ATP2B1: variants seen among roughly 807,000 people sequenced by gnomAD.
ATP2B1 encodes plasma membrane calcium-transporting ATPase 1.
In ATP2B1, 14 loss-of-function variants were observed where a neutral mutation model predicts 124.2. The observed-to-expected ratio is 0.11, with a 90% CI of 0.07 to 0.18. ATP2B1 has a LOEUF of 0.18. Among genes scored for constraint, ATP2B1 ranks in the 10% least tolerant of loss-of-function variants. The pLI, the probability that ATP2B1 is intolerant of heterozygous loss-of-function variation, is 1.00. For synonymous variants in ATP2B1, 449 were observed against 492.4 expected (o/e 0.91, Z 1.17); for missense variants, 763 against 1,466.1 (o/e 0.52, Z 7.83).
At chr12:89,696,972 C>G (rs1206218511) in intron 1 of ATP2B1, among the ~76,000 whole-genome samples, 1 of 139,574 alleles carries the variant, frequency 7.2e-6, no homozygotes, top group Non-Finnish European at 1.5e-5. Context: ...GGCATGTTAA[C>G]AAAAGAACAT....
intron 1 of ATP2B1, among the ~76,000 whole-genome samples, chr12:89,688,518 T>C (rs548606093): frequency 1.3e-5 from 2 of 152,170 alleles, no homozygotes; most frequent in Admixed American, 1.3e-4. Flanking sequence ...GACAATAAAT[T>C]TCATTTTATA....
At chr12:89,634,150 C>T (rs1291071996) in intron 5 of ATP2B1, among the ~76,000 whole-genome samples, 2 of 152,108 alleles carry the variant, frequency 1.3e-5, no homozygotes, top group Non-Finnish European at 2.9e-5. Flanking sequence ...AAACAGTATC[C>T]TCACCTATCC....
chr12:89,628,912 GAGTAATCGCTAAGGC>G (rs1191870273), intron 6 of ATP2B1, among the ~76,000 whole-genome samples: 2 of 152,100 alleles, frequency 1.3e-5, no homozygotes, highest in African/African-American at 4.8e-5. Context: ...GACTGCTTCT[GAGTAATCGCTAAGGC>G]AGTCAAGGGA....
intron 1 of ATP2B1, among the ~76,000 whole-genome samples, chr12:89,665,559 T>C (rs552668651): frequency 1.3e-5 from 2 of 152,346 alleles, no homozygotes; most frequent in East Asian, 1.9e-4. Flanking sequence ...GTTAATTTTA[T>C]ATAATCCTGT....
At chr12:89,626,425 AAC>A in intron 8 of ATP2B1, 27 bp downstream of exon 8, 1 of 1,555,394 alleles carries the variant, frequency 6.4e-7, no homozygotes, top group Non-Finnish European at 8.6e-7. Context: ...TTAAAAATAA[AAC>A]ACTTTATTTT....
intron 1 of ATP2B1, among the ~76,000 whole-genome samples, chr12:89,704,832 A>G (rs1414138983): frequency 6.6e-6 from 1 of 152,162 alleles, no homozygotes; most frequent in East Asian, 1.9e-4. Flanking sequence ...AAAAATTAAA[A>G]TGTATATGCC....
chr12:89,596,394 G>A (rs889111480), intron 20 of ATP2B1, among the ~76,000 whole-genome samples: 2 of 152,052 alleles, frequency 1.3e-5, no homozygotes, highest in African/African-American at 4.8e-5. Context: ...AATACAGGTT[G>A]GAGACTAGAC....
intron 2 of ATP2B1, among the ~76,000 whole-genome samples, chr12:89,654,357 T>A (rs192244097): frequency 2.0e-5 from 3 of 152,356 alleles, no homozygotes; most frequent in Non-Finnish European, 4.4e-5. Flanking sequence ...TTGGGATCAA[T>A]CTTGTAGTAA....
At position 89,611,268 on chromosome 12, in the gene ATP2B1, A is replaced by G. The variant is rs764353096; in HGVS notation, c.2172T>C (p.Ile724=). 5 of 1,611,960 alleles carry G rather than the reference A, an allele frequency of 3.1e-6. No individual in the cohort carries two copies. The African/African-American group carries it at 6.7e-5, about 22-fold the overall frequency. The change falls in exon 13 of 21, where the codon ATT becomes ATC. Residue 724 remains isoleucine (I), a synonymous_variant. Transcript: ENST00000428670. Reference sequence around the variant, plus strand: ...ACAGAAAATCTTCCCCAGGATGTAAAATACCACATTTGGTAGCAATGGCCC... The same window carrying G: ...ACAGAAAATCTTCCCCAGGATGTAAGATACCACATTTGGTAGCAATGGCCC... The part of the protein sequence containing the change: ...TARAIATKCG[I]LHPGEDFLCL...
chr12:89,704,087 A>G (rs968970484), intron 1 of ATP2B1, among the ~76,000 whole-genome samples: 1 of 152,228 alleles, frequency 6.6e-6, no homozygotes, highest in African/African-American at 2.4e-5. Context: ...TTTAAACTAA[A>G]TTTCATTACA....
chr12:89,602,110 GC>G (rs1199120528), intron 18 of ATP2B1, among the ~76,000 whole-genome samples: 1 of 152,016 alleles, frequency 6.6e-6, no homozygotes, highest in Non-Finnish European at 1.5e-5. Flanking sequence ...ATTCTAAAAG[GC>G]CTAAAATAGT....
chr12:89,614,006 T>G (rs1172973630), intron 12 of ATP2B1, among the ~76,000 whole-genome samples: 1 of 152,230 alleles, frequency 6.6e-6, no homozygotes, highest in Non-Finnish European at 1.5e-5. Flanking sequence ...CCATCTCATT[T>G]TGTGATACTG....
At chr12:89,639,613 A>G (rs1056241715) in intron 3 of ATP2B1, among the ~76,000 whole-genome samples, 17 of 151,022 alleles carry the variant, frequency 1.1e-4, no homozygotes, top group African/African-American at 3.9e-4. Context: ...CAAATACTAA[A>G]TAACTTTTCA....
At chr12:89,675,498 C>T (rs1888495973) in intron 1 of ATP2B1, among the ~76,000 whole-genome samples, 3 of 152,164 alleles carry the variant, frequency 2.0e-5, no homozygotes, top group South Asian at 2.1e-4. Flanking sequence ...ATATGTCTTA[C>T]TGCTATATTA....
intron 1 of ATP2B1, among the ~76,000 whole-genome samples, chr12:89,660,614 C>T (rs953099358): frequency 2.0e-5 from 3 of 152,124 alleles, no homozygotes; most frequent in East Asian, 3.9e-4. Context: ...CTTGGACATA[C>T]ACACCTATTA....
intron 1 of ATP2B1, among the ~76,000 whole-genome samples, chr12:89,702,463 C>A (rs1260144138): frequency 6.6e-6 from 1 of 152,146 alleles, no homozygotes; most frequent in East Asian, 1.9e-4. Context: ...TTTGAGAGTA[C>A]AAGATTATTA....
At chr12:89,594,519 G>A (rs545794704) in intron 20 of ATP2B1, 4 of 147,806 alleles carry the variant, frequency 2.7e-5, no homozygotes, top group Admixed American at 1.4e-4. Context: ...TATACCCCTC[G>A]AAATTATCAG....
chr12:89,648,008 T>C (rs572522104), intron 2 of ATP2B1, among the ~76,000 whole-genome samples: 1 of 152,210 alleles, frequency 6.6e-6, no homozygotes, highest in Non-Finnish European at 1.5e-5. Context: ...GCTACCTGTA[T>C]AGCCCGCAGA....
chr12:89,671,750 G>A (rs1451664276), intron 1 of ATP2B1, among the ~76,000 whole-genome samples: 1 of 147,398 alleles, frequency 6.8e-6, no homozygotes, highest in African/African-American at 2.5e-5. Flanking sequence ...GCCAAGACCT[G>A]AGAGTCTGTT....
Sources: gnomAD v4.1 joint callset for allele counts (sites outside exome capture counted in the v4.1 genomes callset) on GRCh38, gnomAD v4.1.1 for gene constraint, MANE v1.5 for transcripts, NCBI Gene and HGNC (gene_info 2026-07-23, HGNC 2026-07-21) for gene names.